ADAMTS6: variants seen among roughly 807,000 people sequenced by gnomAD.
ADAMTS6 encodes A disintegrin and metalloproteinase with thrombospondin motifs 6.
Under a neutral mutation model 144.3 loss-of-function variants are expected in ADAMTS6, and 23 were observed. That is an observed-to-expected ratio of 0.16 (90% CI 0.11 to 0.23). The LOEUF (loss-of-function observed/expected upper bound fraction) is 0.23. ADAMTS6 is among the 10% of genes least tolerant of loss of function. The pLI is 1.00. For synonymous variants in ADAMTS6, 444 were observed against 457.5 expected, an observed-to-expected ratio of 0.97 and a Z score of 0.38; for missense variants, 999 against 1,379.6, an observed-to-expected ratio of 0.72 and a Z score of 4.37.
intron 6 of ADAMTS6, 21 bp from the exon 7 acceptor site, chr5:65,451,641 C>A (rs1580739056): frequency 1.2e-6 from 2 of 1,609,280 alleles, no homozygotes; most frequent in East Asian, 2.2e-5. Flanking sequence ...ACATGCATAC[C>A]AGAAATGTTC....
chr5:65,444,165 G>A (rs1296177915), intron 7 of ADAMTS6, among the ~76,000 whole-genome samples: 1 of 152,194 alleles, frequency 6.6e-6, no homozygotes, highest in Non-Finnish European at 1.5e-5. Flanking sequence ...GCCGAGGCAG[G>A]CAGAACACCT....
At chr5:65,251,026 T>C (rs1296610982) in intron 14 of ADAMTS6, 1 of 152,222 alleles carries the variant, frequency 6.6e-6, no homozygotes, top group African/African-American at 2.4e-5. Flanking sequence ...CATGATAGTT[T>C]TAGGTCATTT....
chr5:65,232,141 A>G (rs1758298794), intron 15 of ADAMTS6, among the ~76,000 whole-genome samples: 1 of 152,084 alleles, frequency 6.6e-6, no homozygotes, highest in Non-Finnish European at 1.5e-5. Flanking sequence ...CAACAACAAA[A>G]CAAACCAACA....
At chr5:65,270,884 G>A (rs1387536940) in intron 12 of ADAMTS6, among the ~76,000 whole-genome samples, 4 of 152,126 alleles carry the variant, frequency 2.6e-5, no homozygotes, top group Admixed American at 2.6e-4. Context: ...CAGGGTAAAG[G>A]GCAGGCAAGA....
At chr5:65,367,651 T>C (rs541715738) in intron 7 of ADAMTS6, among the ~76,000 whole-genome samples, 100 of 152,236 alleles carry the variant, frequency 6.6e-4, no homozygotes, top group African/African-American at 2.4e-3. Flanking sequence ...CCAAACAGCC[T>C]TCCCATGCAG....
chr5:65,360,715 G>A (rs1032346089), intron 7 of ADAMTS6, among the ~76,000 whole-genome samples: 21 of 152,016 alleles, frequency 1.4e-4, no homozygotes, highest in African/African-American at 4.8e-4. Flanking sequence ...TCATTCACAC[G>A]GTGGGAATTG....
chr5:65,403,005 G>C (rs1386256108), intron 7 of ADAMTS6, among the ~76,000 whole-genome samples: 2 of 150,360 alleles, frequency 1.3e-5, no homozygotes, highest in Admixed American at 1.3e-4. Flanking sequence ...CAATCTTTCT[G>C]CTTACCCCTC....
intron 7 of ADAMTS6, among the ~76,000 whole-genome samples, chr5:65,434,009 C>T (rs1056645106): frequency 1.3e-5 from 2 of 152,150 alleles, no homozygotes; most frequent in African/African-American, 4.8e-5. Context: ...ACAACCCAGT[C>T]CATCAACTGA....
chr5:65,219,727 G>C (rs1757177295), intron 18 of ADAMTS6, among the ~76,000 whole-genome samples: 1 of 152,136 alleles, frequency 6.6e-6, no homozygotes, highest in Non-Finnish European at 1.5e-5. Flanking sequence ...ATATTATCAG[G>C]AATACAGAGG....
chr5:65,294,021 A>C (rs921264367), intron 10 of ADAMTS6, among the ~76,000 whole-genome samples: 5 of 152,214 alleles, frequency 3.3e-5, no homozygotes, highest in Non-Finnish European at 2.9e-5. Context: ...TATTTGTACA[A>C]ATTAGCAAGG....
At chr5:65,222,263 G>A (rs1229805146) in intron 18 of ADAMTS6, among the ~76,000 whole-genome samples, 1 of 152,134 alleles carries the variant, frequency 6.6e-6, no homozygotes, top group East Asian at 1.9e-4. Context: ...TTGGTTTAAG[G>A]ACAGAAACCT....
At chr5:65,345,446 G>A (rs1748229058) in intron 7 of ADAMTS6, among the ~76,000 whole-genome samples, 1 of 151,704 alleles carries the variant, frequency 6.6e-6, no homozygotes, top group Non-Finnish European at 1.5e-5. Flanking sequence ...AATGGAATAT[G>A]TTTGATTCAC....
chr5:65,376,830 T>A lies in ADAMTS6; in HGVS notation c.1074-42745A>T, dbSNP rs372846871. ...GCCCAGAAGACAGAGTGGGACCCTG[T>A]CTCAAAAAAATTAAAAAGCTAAAAA... On this transcript the variant is annotated intron_variant, in intron 7 of 24. Coordinates refer to ENST00000381055, the MANE Select transcript of ADAMTS6 (RefSeq NM_197941.4). Among the ~76,000 whole-genome samples, 87 of 151,800 alleles carry A rather than the reference T, an allele frequency of 5.7e-4. 2 individuals are homozygous for A. The South Asian group carries it at 0.017, about 30-fold the overall frequency.
At chr5:65,367,981 T>C (rs530070343) in intron 7 of ADAMTS6, among the ~76,000 whole-genome samples, 1 of 152,130 alleles carries the variant, frequency 6.6e-6, no homozygotes, top group Non-Finnish European at 1.5e-5. Context: ...AATTATCTTT[T>C]TTAATTCATT....
At chr5:65,163,741 G>C (rs1026219025) in intron 24 of ADAMTS6, among the ~76,000 whole-genome samples, 1 of 152,068 alleles carries the variant, frequency 6.6e-6, no homozygotes, top group Non-Finnish European at 1.5e-5. Context: ...GCGGCTTCAG[G>C]TGTTGTTCAT....
At chr5:65,401,088 T>A (rs548959970) in intron 7 of ADAMTS6, among the ~76,000 whole-genome samples, 1 of 152,276 alleles carries the variant, frequency 6.6e-6, no homozygotes, top group East Asian at 1.9e-4. Context: ...TGCCTCTCAG[T>A]ATGCCTTGTA....
At chr5:65,411,957 G>T (rs1424459678) in intron 7 of ADAMTS6, among the ~76,000 whole-genome samples, 1 of 152,062 alleles carries the variant, frequency 6.6e-6, no homozygotes, top group African/African-American at 2.4e-5. Context: ...CAGTACTAAT[G>T]TTAATAATAG....
chr5:65,391,974 G>A (rs1752959136), intron 7 of ADAMTS6, among the ~76,000 whole-genome samples: 2 of 152,040 alleles, frequency 1.3e-5, no homozygotes, highest in African/African-American at 4.8e-5. Flanking sequence ...GATCTCAAGT[G>A]ATCCACCCGT....
At chr5:65,300,898 T>A (rs1743305470) in intron 9 of ADAMTS6, among the ~76,000 whole-genome samples, 1 of 152,186 alleles carries the variant, frequency 6.6e-6, no homozygotes, top group South Asian at 2.1e-4. Context: ...CCCAAAGTGC[T>A]GGGATTAAAG....
Sources: allele counts gnomAD v4.1 joint callset (sites outside exome capture counted in the v4.1 genomes callset), GRCh38; gene constraint gnomAD v4.1.1; transcripts MANE v1.5; gene names NCBI Gene and HGNC (gene_info 2026-07-23, HGNC 2026-07-21).